HMGXB3: variants seen among roughly 807,000 people sequenced by gnomAD.
The protein encoded by HMGXB3 is HMG-box containing 3.
In HMGXB3, 45 loss-of-function variants were observed where a neutral mutation model predicts 121.5. That is an observed-to-expected ratio of 0.37 (90% CI 0.29 to 0.47). The LOEUF (loss-of-function observed/expected upper bound fraction) is 0.47. Ranked by LOEUF, HMGXB3 falls within the 20% of genes least tolerant of loss-of-function variation. HMGXB3 has a pLI of 0.99. For missense variants in HMGXB3, 1,376 were observed against 1,602.2 expected (o/e 0.86, Z 2.41); for synonymous variants, 590 against 624.1 (o/e 0.95, Z 0.81).
rs1290518723 is a variant in HMGXB3, at chr5:150,053,118, T to C, written c.*926T>C. 1 of 187,562 alleles carries C rather than the reference T, an allele frequency of 5.3e-6. No homozygotes were observed. The highest frequency in any genetic ancestry group is 6.2e-5 in the Admixed American group (1 of 16,098). 11.6% of individuals were successfully genotyped at this position (187,562 alleles called of 1,614,324 possible). A position where few individuals can be genotyped will look rare whatever the true frequency, so the allele number is the denominator to read the frequency against. On this transcript the variant is annotated 3_prime_UTR_variant, in exon 20 of 20. Transcript: ENST00000502717. ...CCTCTTCCCCCAACAAGAATAAAGT[T>C]TATTAAATTATCTGGTTTTGGTGTA...
chr5:150,000,958 TCCGCGC>T lies in HMGXB3; in HGVS notation c.-222_-217del, dbSNP rs987989032. The T allele has an allele frequency of 3.2e-5, 5 of 154,608 alleles. No individual in the cohort carries two copies. Among genetic ancestry groups the T allele is most frequent in the Non-Finnish European group, 5.9e-5 (4 of 68,220 alleles). The allele number at this position is 154,608 out of a possible 1,614,324, so 9.6% of individuals were successfully genotyped here. Reference sequence around the variant, plus strand: ...GGGAAGCGAGAGGGGCTGTCGCGACTCCGCGCCGTGTGTCGCCGGGCGGGGCCGCGG... The same window carrying T: ...GGGAAGCGAGAGGGGCTGTCGCGACTCGTGTGTCGCCGGGCGGGGCCGCGG... On this transcript the variant is annotated 5_prime_UTR_variant, in exon 1 of 20. Transcript: ENST00000502717.
At chr5:150,004,253 T>A (rs1755646171) in intron 1 of HMGXB3, among the ~76,000 whole-genome samples, 1 of 152,162 alleles carries the variant, frequency 6.6e-6, no homozygotes, top group Non-Finnish European at 1.5e-5. Context: ...AGTTGAGACA[T>A]GTCTTTTTTT....
intron 4 of HMGXB3, among the ~76,000 whole-genome samples, chr5:150,011,854 C>T (rs1276664207): frequency 2.6e-5 from 4 of 151,950 alleles, no homozygotes; most frequent in East Asian, 1.9e-4. Flanking sequence ...TCAGGTGATC[C>T]GCCCGCCTCG....
chr5:150,011,842 C>G (rs1755848301), intron 4 of HMGXB3, among the ~76,000 whole-genome samples: 1 of 151,952 alleles, frequency 6.6e-6, no homozygotes, highest in Admixed American at 6.5e-5. Context: ...GAACTCCTGA[C>G]CTCAGGTGAT....
chr5:150,045,522 C>T lies in HMGXB3; in HGVS notation c.2787C>T (p.Ala929=), dbSNP rs1168876643. ...SNEVNVEDFW[A]TMETEVIEQV... is the part of the protein sequence containing the mutation. The stretch of plus-strand genomic sequence containing the variant: ...AGGTAAATGTGGAGGACTTTTGGGC[C>T]ACGATGGAGACAGAGGTGATTGAGC... Residue 929 remains alanine (A), a synonymous_variant, in exon 16 of 20, where the codon GCC becomes GCT. Transcript: ENST00000502717. The T allele has an allele frequency of 3.2e-6, 5 of 1,552,160 alleles. No homozygotes were observed. The Admixed American group carries it at 9.8e-5, about 30-fold the overall frequency.
intron 5 of HMGXB3, among the ~76,000 whole-genome samples, 200 bp downstream of exon 5, chr5:150,012,553 G>C (rs1307461484): frequency 1.3e-5 from 2 of 152,118 alleles, no homozygotes; most frequent in Non-Finnish European, 2.9e-5. Context: ...GGGGTGAGGG[G>C]GTTGTAGATA....
intron 14 of HMGXB3, 34 bp downstream of exon 14, chr5:150,040,913 G>T: frequency 6.7e-7 from 1 of 1,502,648 alleles, no homozygotes; most frequent in South Asian, 1.3e-5. Context: ...CCCAAGGTTA[G>T]TCCTAAGCTC....
intron 5 of HMGXB3, chr5:150,015,119 A>T: frequency 2.9e-6 from 1 of 345,900 alleles, no homozygotes; most frequent in Admixed American, 5.2e-5. Context: ...GCGGCCATCC[A>T]GTCTGTGAAC....
At chr5:150,040,357 A>G (rs969353724) in intron 13 of HMGXB3, among the ~76,000 whole-genome samples, 2 of 151,948 alleles carry the variant, frequency 1.3e-5, no homozygotes, top group African/African-American at 4.8e-5. Flanking sequence ...ATTGATGGGC[A>G]TTTAGTTGTG....
At chr5:150,020,342 A>C (rs1561861070) in intron 6 of HMGXB3, among the ~76,000 whole-genome samples, 2 of 152,184 alleles carry the variant, frequency 1.3e-5, no homozygotes, top group Non-Finnish European at 2.9e-5. Flanking sequence ...TGTATTCCCC[A>C]AAAAGGCAGT....
intron 9 of HMGXB3, among the ~76,000 whole-genome samples, chr5:150,028,671 A>G (rs1756303842): frequency 6.7e-6 from 1 of 149,254 alleles, no homozygotes; most frequent in South Asian, 2.1e-4. Context: ...GGCTCAAGGA[A>G]TCCTCCCAAC....
rs746974088 is a variant in HMGXB3, at chr5:150,008,094, C to CACACACAT, written c.312+1452_312+1453insCATACACA. Among the ~76,000 whole-genome samples the CACACACAT allele has an allele frequency of 2.2e-3, 331 of 147,740 alleles. 4 individuals are homozygous for CACACACAT. Among genetic ancestry groups the CACACACAT allele is most frequent in the Middle Eastern group, 0.01 (3 of 290 alleles). Reference sequence around the variant, plus strand: ...ACACACACACACACACACACACACACACACAAATCAGCAATCTTTTTGTGC... The same window carrying CACACACAT: ...ACACACACACACACACACACACACACACACACATACACAAATCAGCAATCTTTTTGTGC... On this transcript the variant is annotated intron_variant, in intron 3 of 19. Transcript: ENST00000502717.
rs189802393 is a variant in HMGXB3, at chr5:150,018,526, G to A, written c.910-40G>A. 4.7e-6 allele frequency: 7 copies of A among 1,484,324 alleles called. No homozygotes were observed. The Admixed American group carries it at 1.6e-4, about 34-fold the overall frequency. 91.9% of individuals were successfully genotyped at this position (1,484,324 alleles called of 1,614,324 possible). A position where few individuals can be genotyped will look rare whatever the true frequency, so the allele number is the denominator to read the frequency against. On this transcript the variant is annotated intron_variant, in intron 5 of 19. Coordinates refer to ENST00000502717, the MANE Select transcript of HMGXB3 (RefSeq NM_014983.3). ...GATTATAGTGGTCATCAGTCTGAGAGAGGTTGTTCTATTGATTCTGATGTG... is the reference window on the plus strand; with the variant it reads ...GATTATAGTGGTCATCAGTCTGAGAAAGGTTGTTCTATTGATTCTGATGTG...
intron 5 of HMGXB3, among the ~76,000 whole-genome samples, chr5:150,014,110 G>A (rs1755906170): frequency 6.6e-6 from 1 of 152,262 alleles, no homozygotes; most frequent in Admixed American, 6.5e-5. Flanking sequence ...TTTATGGCCT[G>A]GTACTACACT....
rs1472009850 is a variant in HMGXB3, at chr5:150,010,314, G to A, written c.516G>A (p.Val172=). ...PLVSNTAPET[V]PSHAGMAEQC... ...TGTCCAACACTGCCCCGGAGACAGT[G>A]CCCAGCCATGCAGGCATGGCAGAGC... The change falls in exon 4 of 20, where the codon GTG becomes GTA. Residue 172 remains valine (V), a synonymous_variant. Coordinates refer to ENST00000502717, the MANE Select transcript of HMGXB3 (RefSeq NM_014983.3). 2 of 1,551,774 alleles carry A rather than the reference G, an allele frequency of 1.3e-6. No homozygotes were observed. The highest frequency in any genetic ancestry group is 2.4e-5 in the South Asian group (2 of 84,068).
chr5:150,012,847 T>G (rs759208055), intron 5 of HMGXB3, among the ~76,000 whole-genome samples: 4 of 152,224 alleles, frequency 2.6e-5, no homozygotes, highest in Admixed American at 6.5e-5. Context: ...TATCTTTTTC[T>G]CACACTATTA....
At chr5:150,051,289 T>C (rs1756882611) in intron 19 of HMGXB3, among the ~76,000 whole-genome samples, 5 of 152,042 alleles carry the variant, frequency 3.3e-5, no homozygotes, top group Admixed American at 2.6e-4. Context: ...AAGGGAAGAA[T>C]AACAAAGGTT....
At position 150,024,341 on chromosome 5, in the gene HMGXB3, C is replaced by A. The variant is rs1756170854; in HGVS notation, c.1121C>A (p.Pro374His). The change falls in exon 7 of 20, where the codon CCT becomes CAT. Residue 374 changes from proline (P) to histidine (H), a missense_variant. Coordinates refer to ENST00000502717, the MANE Select transcript of HMGXB3 (RefSeq NM_014983.3). ...TCTGTGGTGAAAAGAAATCAGCAAC[C>A]TGTCACCACTGAGCAAAATTCCTCT... ...KGSVVKRNQQ[P>H]VTTEQNSSKE... 1.3e-6 allele frequency: 2 copies of A among 1,551,588 alleles called. No individual in the cohort carries two copies. The highest frequency in any genetic ancestry group is 1.2e-5 in the South Asian group (1 of 84,064).
chr5:150,046,182 A>G (rs892930340), intron 16 of HMGXB3, among the ~76,000 whole-genome samples: 2 of 152,320 alleles, frequency 1.3e-5, no homozygotes, highest in East Asian at 3.9e-4. Flanking sequence ...GTCAGGTCCC[A>G]TCATTGCCCT....
Sources: gnomAD v4.1 joint callset for allele counts (sites outside exome capture counted in the v4.1 genomes callset) on GRCh38, gnomAD v4.1.1 for gene constraint, MANE v1.5 for transcripts, NCBI Gene and HGNC (gene_info 2026-07-23, HGNC 2026-07-21) for gene names.